The following CLPTM1L variants were observed in gnomAD, a reference collection of about 807,000 sequenced individuals.
CLPTM1L encodes CLPTM1 like.
A neutral mutation model predicts 70.9 loss-of-function variants in CLPTM1L; 38 were observed. The observed-to-expected ratio is 0.54, with a 90% CI of 0.41 to 0.70. CLPTM1L has a LOEUF of 0.70. Among genes scored for constraint, CLPTM1L ranks in the 30% least tolerant of loss-of-function variants. The pLI, the probability that CLPTM1L is intolerant of heterozygous loss-of-function variation, is 0.00. For synonymous variants in CLPTM1L, 339 were observed against 299.9 expected (o/e 1.13, Z -1.35); for missense variants, 652 against 705.9 (o/e 0.92, Z 0.87).
intron 13 of CLPTM1L, 39 bp from the exon 14 acceptor site, chr5:1,321,858 C>A: frequency 6.3e-7 from 1 of 1,588,312 alleles, no homozygotes; most frequent in East Asian, 2.3e-5. Context: ...GTGCGGAGGG[C>A]CGGGCTGCCA....
chr5:1,340,355 A>G (rs770333378), intron 3 of CLPTM1L, among the ~76,000 whole-genome samples: 2 of 152,222 alleles, frequency 1.3e-5, no homozygotes, highest in African/African-American at 4.8e-5. Flanking sequence ...CGGCTCTTAC[A>G]TGAAGTTAAA....
In CLPTM1L at chr5:1,318,011, G is replaced by A. The variant is rs1423227088; in HGVS notation, c.*358C>T. 7.5e-6 allele frequency: 2 copies of A among 266,180 alleles called. No homozygotes were observed. Among genetic ancestry groups the A allele is most frequent in the Non-Finnish European group, 7.0e-6 (1 of 142,094 alleles). The allele number at this position is 266,180 out of a possible 1,614,324, so 16.5% of individuals were successfully genotyped here. A position where few individuals can be genotyped will look rare whatever the true frequency, so the allele number is the denominator to read the frequency against. Reference sequence around the variant, plus strand: ...TACGTGTTTGAAATTCACATAAGGAGCACTTAGAAAACCACCTGAAATGGA... The same window carrying A: ...TACGTGTTTGAAATTCACATAAGGAACACTTAGAAAACCACCTGAAATGGA... On this transcript the variant is annotated 3_prime_UTR_variant, in exon 17 of 17. Coordinates refer to ENST00000320895, the MANE Select transcript of CLPTM1L (RefSeq NM_030782.5). The surrounding 1 kb of genome is among the most constrained non-coding windows in gnomAD (Gnocchi z 8.9).
At chr5:1,322,942 T>G in intron 12 of CLPTM1L, 31 bp from the exon 13 acceptor site, 1 of 1,599,000 alleles carries the variant, frequency 6.3e-7, no homozygotes, top group Non-Finnish European at 8.6e-7. Context: ...GAAGTCCTAT[T>G]TCTCGCATAG....
chr5:1,335,037 C>G lies in CLPTM1L; in HGVS notation c.796+20G>C, dbSNP rs200594051. ...CTCCAGGGCGGCCTCACCCAGGCGC[C>G]GGCCGTGTGCGGCACATACCGAACT... On this transcript the variant is annotated intron_variant, in intron 6 of 16. Transcript: ENST00000320895. The G allele has an allele frequency of 3.8e-6, 6 of 1,598,292 alleles. No individual in the cohort carries two copies. The highest frequency in any genetic ancestry group is 5.1e-6 in the Non-Finnish European group (6 of 1,167,516).
intron 9 of CLPTM1L, among the ~76,000 whole-genome samples, chr5:1,327,842 T>C (rs1413419204): frequency 2.0e-3 from 270 of 137,082 alleles, no homozygotes; most frequent in Non-Finnish European, 2.7e-3. Flanking sequence ...ACACATTCCA[T>C]CCAGCTCCTC....
chr5:1,340,728 TTC>T (rs1395884333), intron 3 of CLPTM1L, among the ~76,000 whole-genome samples: 1 of 152,194 alleles, frequency 6.6e-6, no homozygotes, highest in Non-Finnish European at 1.5e-5. Flanking sequence ...AGACCTCTCT[TTC>T]TCTCTGTCTG....
intron 8 of CLPTM1L, 158 bp downstream of exon 8, chr5:1,331,641 G>A (rs1753099248): frequency 1.5e-6 from 1 of 647,536 alleles, no homozygotes. Flanking sequence ...ACGGCTCCCT[G>A]GGCTTTACGG....
In CLPTM1L at chr5:1,341,758, C is replaced by T. The variant is rs1010672427; in HGVS notation, c.366G>A (p.Lys122=). 3 of 1,613,926 alleles carry T rather than the reference C, an allele frequency of 1.9e-6. No homozygotes were observed. Among genetic ancestry groups the T allele is most frequent in the Non-Finnish European group, 8.5e-7 (1 of 1,179,968 alleles). The change falls in exon 3 of 17, where the codon AAG becomes AAA. Residue 122 remains lysine (K), a synonymous_variant. Transcript: ENST00000320895. ...HAGVLPWHDG[K]QVHLVSPLTT... ...TCAGAGGACTGACCAGGTGCACCTGCTTCCCGTCGTGCCACGGCAGGACCC... is the reference window on the plus strand; with the variant it reads ...TCAGAGGACTGACCAGGTGCACCTGTTTCCCGTCGTGCCACGGCAGGACCC...
At chr5:1,321,485 T>TTA in intron 15 of CLPTM1L, 150 bp downstream of exon 15, 1 of 701,232 alleles carries the variant, frequency 1.4e-6, no homozygotes, top group Non-Finnish European at 2.5e-6. Flanking sequence ...CTTTTTTTTT[T>TTA]AAAGGAGCCT....
At chr5:1,324,980 C>T (rs1752427658) in intron 10 of CLPTM1L, 167 bp from the exon 11 acceptor site, 2 of 630,772 alleles carry the variant, frequency 3.2e-6, no homozygotes, top group South Asian at 3.8e-5. Flanking sequence ...GGACGGGGAT[C>T]CGCATGGATC....
At chr5:1,326,461 T>A in intron 9 of CLPTM1L, 1 of 228,584 alleles carries the variant, frequency 4.4e-6, no homozygotes, top group East Asian at 1.6e-4. Context: ...ATCCAGCTCC[T>A]CCTCCACAGA....
rs1011986322 is a variant in CLPTM1L at position 1,342,490 on chromosome 5, T to C, written c.264-630A>G. Among the ~76,000 whole-genome samples the C allele has an allele frequency of 6.6e-6, 1 of 152,232 alleles. No individual in the cohort carries two copies. The highest frequency in any genetic ancestry group is 1.5e-5 in the Non-Finnish European group (1 of 68,032). On this transcript the variant is annotated intron_variant, in intron 2 of 16. Coordinates refer to ENST00000320895, the MANE Select transcript of CLPTM1L (RefSeq NM_030782.5). This position sits in a 1 kb window ranked among gnomAD's most constrained non-coding sequence, Gnocchi z 4.3. ...AACTGTAGGCCTCGGACCAGGTGCCTGGCTCTTCACCCGCACACCAGGGCC... is the reference window on the plus strand; with the variant it reads ...AACTGTAGGCCTCGGACCAGGTGCCCGGCTCTTCACCCGCACACCAGGGCC...
intron 13 of CLPTM1L, among the ~76,000 whole-genome samples, chr5:1,322,410 C>T (rs932898908): frequency 6.6e-6 from 1 of 152,240 alleles, no homozygotes; most frequent in Non-Finnish European, 1.5e-5. Flanking sequence ...CACACTGCAT[C>T]TGCAGGAGGG....
chr5:1,341,991 G>T, intron 2 of CLPTM1L, 131 bp from the exon 3 acceptor site: 1 of 685,072 alleles, frequency 1.5e-6, no homozygotes, highest in Non-Finnish European at 2.4e-6. Context: ...AAACCCACCT[G>T]CCCAGGGCTT....
intron 1 of CLPTM1L, 98 bp downstream of exon 1, chr5:1,344,582 G>T (rs1461237481): frequency 1.4e-6 from 2 of 1,464,884 alleles, no homozygotes; most frequent in East Asian, 2.5e-5. Context: ...CGACTCGCGC[G>T]GCCACAGCTC....
intron 9 of CLPTM1L, among the ~76,000 whole-genome samples, chr5:1,329,023 G>GGA (rs1752888103): frequency 6.8e-6 from 1 of 146,958 alleles, no homozygotes; most frequent in African/African-American, 2.5e-5. Flanking sequence ...TCCTCTACAG[G>GGA]CATGACGGCC....
chr5:1,335,736 T>C (rs1489016318), intron 5 of CLPTM1L, among the ~76,000 whole-genome samples: 3 of 147,594 alleles, frequency 2.0e-5, no homozygotes, highest in African/African-American at 7.5e-5. Flanking sequence ...AACCACGAGC[T>C]TAGTCCTGCA....
At position 1,344,363 on chromosome 5, in the gene CLPTM1L, G is replaced by A; in HGVS notation, c.251C>T (p.Ser84Phe). The A allele has an allele frequency of 6.2e-7, 1 of 1,612,332 alleles. No individual in the cohort carries two copies. Among genetic ancestry groups the A allele is most frequent in the Non-Finnish European group, 8.5e-7 (1 of 1,178,562 alleles). ...CCTACGCCCATACCTTTCAAATTTG[G>A]ACTCCACATCAAAGTCTTCCACATT... Reference protein sequence around the residue: ...VLNVEDFDVESKFERTVNVSV... With the variant: ...VLNVEDFDVEFKFERTVNVSV... Residue 84 changes from serine (S) to phenylalanine (F), a missense_variant, in exon 2 of 17, where the codon TCC becomes TTC. This residue lies in a region of CLPTM1L where 402 missense variants were observed against 388.2 expected (regional missense o/e 1.04). Transcript: ENST00000320895.
At chr5:1,343,847 T>C (rs568525282) in intron 2 of CLPTM1L, among the ~76,000 whole-genome samples, 6 of 152,356 alleles carry the variant, frequency 3.9e-5, no homozygotes, top group African/African-American at 1.4e-4. Context: ...TAAAAAAAAT[T>C]AGGCCATGTC....
Sources: gnomAD v4.1 joint callset for allele counts (sites outside exome capture counted in the v4.1 genomes callset) on GRCh38, gnomAD v4.1.1 for gene constraint, gnomAD v4.1.1 regional missense constraint, Gnocchi (gnomAD v3.1) non-coding constraint, MANE v1.5 for transcripts, NCBI Gene and HGNC (gene_info 2026-07-23, HGNC 2026-07-21) for gene names.